Variants in ALS2 observed in about 807,000 individuals in gnomAD.
ALS2 encodes alsin Rho guanine nucleotide exchange factor ALS2.
Under a neutral mutation model 203.4 loss-of-function variants are expected in ALS2, and 117 were observed. The ratio of observed to expected loss-of-function variants is 0.58; its 90% confidence interval spans 0.50 to 0.67. ALS2 has a LOEUF of 0.67. ALS2 is among the 30% of genes least tolerant of loss of function. The pLI, the probability that ALS2 is intolerant of heterozygous loss-of-function variation, is 0.00. For synonymous variants in ALS2, 718 were observed against 725.9 expected, an observed-to-expected ratio of 0.99 and a Z score of 0.17; for missense variants, 1,715 against 1,989.4, an observed-to-expected ratio of 0.86 and a Z score of 2.62.
chr2:201,732,501 G>A (rs993322335), intron 13 of ALS2, among the ~76,000 whole-genome samples: 3 of 151,986 alleles, frequency 2.0e-5, no homozygotes, highest in African/African-American at 7.3e-5. Context: ...CTGGGAGGTG[G>A]AGGTTGCAGT....
intron 10 of ALS2, 49 bp downstream of exon 10, chr2:201,744,209 G>C: frequency 6.4e-7 from 1 of 1,561,316 alleles, no homozygotes; most frequent in Non-Finnish European, 8.8e-7. Context: ...AGGAAGAAGA[G>C]ATAAAGACCT....
rs1240425246 is a variant in ALS2, at chr2:201,761,618, C to T, written c.376G>A (p.Ala126Thr). 3 of 1,614,078 alleles carry T rather than the reference C, an allele frequency of 1.9e-6. No homozygotes were observed. Among genetic ancestry groups the T allele is most frequent in the Non-Finnish European group, 2.5e-6 (3 of 1,180,048 alleles). Residue 126 changes from alanine to threonine, a missense_variant, in exon 4 of 34, where the codon GCC becomes ACC. Physicochemically the swap from Ala to Thr is moderately conservative, Grantham distance 58. Coordinates refer to ENST00000264276, the MANE Select transcript of ALS2 (RefSeq NM_020919.4). The part of the protein sequence containing the change: ...GENSAGQCAV[A>T]NQQYVPEPNP... ...GGTTCCGGCACATACTGCTGGTTGG[C>T]TACTGCACACTGGCCAGCAGAATTC...
intron 3 of ALS2, among the ~76,000 whole-genome samples, chr2:201,766,901 A>G (rs1186668221): frequency 1.4e-5 from 2 of 145,880 alleles, no homozygotes; most frequent in African/African-American, 2.5e-5. Flanking sequence ...ACGAGAACAC[A>G]TGGACACAGT....
At chr2:201,759,785 T>C (rs1238877014) in intron 4 of ALS2, 8 of 985,168 alleles carry the variant, frequency 8.1e-6, no homozygotes, top group Non-Finnish European at 7.2e-6. Flanking sequence ...CAAGAGGCTA[T>C]GTGGTTTCAA....
chr2:201,719,590 AAAAAATAAAAATAAAAAT>A (rs143044372), intron 23 of ALS2, among the ~76,000 whole-genome samples: 4 of 148,806 alleles, frequency 2.7e-5, no homozygotes, highest in African/African-American at 7.4e-5. Context: ...TCCGTCTCGA[AAAAAATAAAAATAAAAAT>A]AAAAATAAAA....
chr2:201,740,068 C>T lies in ALS2; in HGVS notation c.2352-1333G>A, dbSNP rs376108538. 2.6e-5 allele frequency among the ~76,000 whole-genome samples: 4 copies of T among 152,214 alleles called. No individual in the cohort carries two copies. In the South Asian group the frequency reaches 8.3e-4, roughly 32 times the overall value. ...CGCCAGGCACAGTGGCTCACACTTG[C>T]AATCCTAGCACTTTTGCAGGCTGAG... is the stretch of plus-strand genomic sequence containing the variant. On this transcript the variant is annotated intron_variant, in intron 11 of 33. Coordinates refer to ENST00000264276, the MANE Select transcript of ALS2 (RefSeq NM_020919.4).
intron 23 of ALS2, among the ~76,000 whole-genome samples, chr2:201,719,746 G>A (rs971951460): frequency 3.3e-5 from 5 of 152,316 alleles, no homozygotes; most frequent in Non-Finnish European, 5.9e-5. Context: ...TTCCCAGCTT[G>A]CAAAATTGTG....
rs761357039 is a variant in ALS2 at position 201,761,343 on chromosome 2, T to C, written c.651A>G (p.Val217=). ...ACGAFHSLAL[V]QCLPSQDLKP... is the part of the protein sequence containing the mutation. The stretch of plus-strand genomic sequence containing the variant: ...TCAGATCCTGGGAAGGGAGGCATTG[T>C]ACAAGGGCTAAGCTGTGGAAAGCAC... The change falls in exon 4 of 34, where the codon GTA becomes GTG. Residue 217 remains valine, a synonymous_variant. Transcript: ENST00000264276. 4 of 1,614,096 alleles carry C rather than the reference T, an allele frequency of 2.5e-6. No homozygotes were observed. The Admixed American group carries it at 6.7e-5, about 27-fold the overall frequency.
chr2:201,758,655 T>C (rs1312795817), intron 4 of ALS2, among the ~76,000 whole-genome samples: 4 of 152,164 alleles, frequency 2.6e-5, no homozygotes, highest in Admixed American at 6.5e-5. Flanking sequence ...GCATAGATCA[T>C]ATTGAAAAAT....
At chr2:201,736,906 C>G (rs1459522141) in intron 12 of ALS2, among the ~76,000 whole-genome samples, 1 of 152,082 alleles carries the variant, frequency 6.6e-6, no homozygotes, top group Non-Finnish European at 1.5e-5. Flanking sequence ...CATACCTATT[C>G]ATTAAATCAG....
chr2:201,772,449 T>C (rs1176132667), intron 1 of ALS2, among the ~76,000 whole-genome samples: 1 of 152,242 alleles, frequency 6.6e-6, no homozygotes. Flanking sequence ...CCTGAACTCA[T>C]CTGACAGCAA....
At chr2:201,763,772 A>C (rs1693902596) in intron 3 of ALS2, among the ~76,000 whole-genome samples, 1 of 152,216 alleles carries the variant, frequency 6.6e-6, no homozygotes, top group Non-Finnish European at 1.5e-5. Context: ...ACCAAGTCTT[A>C]ATTTTACTGT....
rs1271667199 is a variant in ALS2 at position 201,727,694 on chromosome 2, G to A, written c.2912+11C>T. On this transcript the variant is annotated intron_variant, in intron 16 of 33. Coordinates refer to ENST00000264276, the MANE Select transcript of ALS2 (RefSeq NM_020919.4). ...TGGACGGGGTGGGGTGGGGAGGGGGGACGCACTTACACACCACCAGCTTCT... is the reference window on the plus strand; with the variant it reads ...TGGACGGGGTGGGGTGGGGAGGGGGAACGCACTTACACACCACCAGCTTCT... The A allele has an allele frequency of 4.5e-6, 7 of 1,550,682 alleles. No homozygotes were observed. The highest frequency in any genetic ancestry group is 1.4e-5 in the African/African-American group (1 of 73,096).
At chr2:201,710,224 G>T (rs1689955681) in intron 26 of ALS2, among the ~76,000 whole-genome samples, 186 bp from the exon 27 acceptor site, 1 of 152,074 alleles carries the variant, frequency 6.6e-6, no homozygotes, top group Non-Finnish European at 1.5e-5. Flanking sequence ...TATGAAGCTG[G>T]AGTTCCTAAT....
rs3219164 is a variant in ALS2 at position 201,723,464 on chromosome 2, GA to G, written c.3513-24del. ...CCCCTGCACAGAAATAAAAAGAAAA[GA>G]AAAAGCACTGAAGATAAGGATAAAG... On this transcript the variant is annotated intron_variant, in intron 21 of 33. Transcript: ENST00000264276. 1,404 of 1,570,990 alleles carry G rather than the reference GA, an allele frequency of 8.9e-4. 1 individual carries two copies. Among genetic ancestry groups the G allele is most frequent in the Non-Finnish European group, 1.2e-3 (1,344 of 1,140,806 alleles).
Position 201,701,689 on chromosome 2 carries a change from G to A in ALS2, c.*162C>T. On this transcript the variant is annotated 3_prime_UTR_variant, in exon 34 of 34. Transcript: ENST00000264276. Reference sequence around the variant, plus strand: ...TTTAAACTATACAGTCCTTTTTTCTGGGCTCAGGGCTCTTATTATTGGTAA... The same window carrying A: ...TTTAAACTATACAGTCCTTTTTTCTAGGCTCAGGGCTCTTATTATTGGTAA... The A allele has an allele frequency of 1.5e-6, 1 of 676,124 alleles. No individual in the cohort carries two copies. Among genetic ancestry groups the A allele is most frequent in the Non-Finnish European group, 2.6e-6 (1 of 385,570 alleles). 41.9% of individuals were successfully genotyped at this position (676,124 alleles called of 1,614,324 possible). A position where few individuals can be genotyped will look rare whatever the true frequency, so the allele number is the denominator to read the frequency against.
intron 7 of ALS2, among the ~76,000 whole-genome samples, chr2:201,751,733 A>G (rs1693075589): frequency 6.6e-6 from 1 of 152,084 alleles, no homozygotes; most frequent in Non-Finnish European, 1.5e-5. Context: ...TGCCTAAAAG[A>G]CTCATCTTAA....
At chr2:201,720,699 G>A (rs894152654) in intron 23 of ALS2, among the ~76,000 whole-genome samples, 2 of 150,970 alleles carry the variant, frequency 1.3e-5, no homozygotes, top group Admixed American at 6.6e-5. Flanking sequence ...GGGTGACAGA[G>A]TGAGACACTA....
At position 201,726,749 on chromosome 2, in the gene ALS2, T is replaced by C. The variant is rs1691188707; in HGVS notation, c.3097A>G (p.Ser1033Gly). Residue 1033 changes from serine to glycine, a missense_variant, in exon 18 of 34, where the codon AGT (serine) becomes GGT (glycine). By Grantham distance (56) the Ser-to-Gly change is moderately conservative. This residue lies in a region of ALS2 where 1,227 missense variants were observed against 1,413.5 expected (regional missense o/e 0.87). Coordinates refer to ENST00000264276, the MANE Select transcript of ALS2 (RefSeq NM_020919.4). ...VQRQEPPISR[S>G]AKYTFYKDPR... is the part of the protein sequence containing the mutation. Reference sequence around the variant, plus strand: ...TCCTTGTAGAAAGTATATTTGGCACTGCGTGAAATGGGTGGTTCCTGTCTC... The same window carrying C: ...TCCTTGTAGAAAGTATATTTGGCACCGCGTGAAATGGGTGGTTCCTGTCTC... 1 of 1,614,176 alleles carries C rather than the reference T, an allele frequency of 6.2e-7. No homozygotes were observed.
Sources: gnomAD v4.1 joint callset for allele counts (sites outside exome capture counted in the v4.1 genomes callset) on GRCh38, gnomAD v4.1.1 for gene constraint, gnomAD v4.1.1 regional missense constraint, MANE v1.5 for transcripts, NCBI Gene and HGNC (gene_info 2026-07-23, HGNC 2026-07-21) for gene names.